Variants in LRP2BP observed in about 807,000 individuals in gnomAD.
LRP2BP encodes the protein LRP2 binding protein.
Under a neutral mutation model 45.2 loss-of-function variants are expected in LRP2BP, and 38 were observed. The ratio of observed to expected loss-of-function variants is 0.84; its 90% confidence interval spans 0.65 to 1.10. LRP2BP has a LOEUF of 1.10. Among genes scored for constraint, LRP2BP ranks in the 50% least tolerant of loss-of-function variants. The pLI is 0.00. For synonymous variants in LRP2BP, 153 were observed against 153.9 expected, an observed-to-expected ratio of 0.99 and a Z score of 0.04; for missense variants, 385 against 418.9, an observed-to-expected ratio of 0.92 and a Z score of 0.71.
At chr4:185,380,495 C>T (rs964486727) in intron 1 of LRP2BP, among the ~76,000 whole-genome samples, 1 of 152,172 alleles carries the variant, frequency 6.6e-6, no homozygotes, top group African/African-American at 2.4e-5. Context: ...AGTTGCACAA[C>T]TCAACCTCTG....
intron 8 of LRP2BP, among the ~76,000 whole-genome samples, chr4:185,368,592 TATC>T (rs1386386394): frequency 6.6e-6 from 1 of 152,196 alleles, no homozygotes; most frequent in Non-Finnish European, 1.5e-5. Context: ...CGTCATATGA[TATC>T]ATTCCAGACC....
At chr4:185,372,000 C>G (rs1169391893) in intron 7 of LRP2BP, among the ~76,000 whole-genome samples, 3 of 152,176 alleles carry the variant, frequency 2.0e-5, no homozygotes, top group Non-Finnish European at 4.4e-5. Context: ...TGCTTTTATA[C>G]ACTGTGGGTA....
At chr4:185,389,882 T>C (rs561170734) in intron 1 of LRP2BP, among the ~76,000 whole-genome samples, 146 of 152,262 alleles carry the variant, frequency 9.6e-4, no homozygotes, top group African/African-American at 3.2e-3. Context: ...AAATACCATG[T>C]GCACTTTATA....
chr4:185,388,205 G>A (rs996839088), intron 1 of LRP2BP, among the ~76,000 whole-genome samples: 2 of 152,158 alleles, frequency 1.3e-5, no homozygotes, highest in African/African-American at 2.4e-5. Context: ...CCACATGGTA[G>A]GAGATGAAGT....
chr4:185,396,960 G>A (rs2095505065), upstream of LRP2BP: 1 of 1,613,388 alleles, frequency 6.2e-7, no homozygotes, highest in Non-Finnish European at 8.5e-7. Context: ...GGTGAGATTC[G>A]GGCTCACAGA....
At chr4:185,397,193 A>G (rs183979417), upstream of LRP2BP, 598 of 1,613,910 alleles carry the variant, frequency 3.7e-4, 6 homozygotes, top group Admixed American at 8.4e-3. Context: ...GCCTCGGTCA[A>G]CGCACCCCCG....
rs948921260 is a variant in LRP2BP at position 185,364,137 on chromosome 4, A to G, written c.*3043T>C. 6.6e-6 allele frequency: 1 copy of G among 152,298 alleles called. No individual in the cohort carries two copies. Among genetic ancestry groups the G allele is most frequent in the African/African-American group, 2.4e-5 (1 of 41,448 alleles). 9.4% of individuals were successfully genotyped at this position (152,298 alleles called of 1,614,324 possible). ...TCCAGAAACAAAATAAATCTGTAAA[A>G]TATATGATTTTTAGTGAGCAGAAAG... On this transcript the variant is annotated 3_prime_UTR_variant, in exon 9 of 9. Coordinates refer to ENST00000505916, the MANE Select transcript of LRP2BP (RefSeq NM_001377440.1).
intron 1 of LRP2BP, among the ~76,000 whole-genome samples, chr4:185,385,354 T>TA (rs1249520577): frequency 6.6e-6 from 1 of 152,062 alleles, no homozygotes; most frequent in Non-Finnish European, 1.5e-5. Context: ...TAGAATTCCT[T>TA]AAAGTATGTG....
Position 185,374,134 on chromosome 4 carries a change from C to T in LRP2BP, c.579+1G>A. The T allele has an allele frequency of 6.2e-7, 1 of 1,612,058 alleles. No homozygotes were observed. Among genetic ancestry groups the T allele is most frequent in the Non-Finnish European group, 8.5e-7 (1 of 1,178,388 alleles). ...TAGCATTAAAAAAGAGGGAACGTTACCTTTTCTAACTCCTTGGGCTCCTTG... is the reference window on the plus strand; with the variant it reads ...TAGCATTAAAAAAGAGGGAACGTTATCTTTTCTAACTCCTTGGGCTCCTTG... On this transcript the variant is annotated splice_donor_variant, in intron 6 of 8. Coordinates refer to ENST00000505916, the MANE Select transcript of LRP2BP (RefSeq NM_001377440.1). LOFTEE classifies it high-confidence loss of function.
At chr4:185,385,197 G>A (rs2095467464) in intron 1 of LRP2BP, among the ~76,000 whole-genome samples, 1 of 152,134 alleles carries the variant, frequency 6.6e-6, no homozygotes, top group African/African-American at 2.4e-5. Context: ...GTTTGTGTGG[G>A]CCCACACGTC....
intron 8 of LRP2BP, among the ~76,000 whole-genome samples, chr4:185,368,535 T>C (rs1026264435): frequency 6.6e-6 from 1 of 152,184 alleles, no homozygotes; most frequent in African/African-American, 2.4e-5. Flanking sequence ...CGGGACACCT[T>C]GTGTCCTTTT....
At chr4:185,382,192 T>C (rs2095457729) in intron 1 of LRP2BP, among the ~76,000 whole-genome samples, 1 of 152,244 alleles carries the variant, frequency 6.6e-6, no homozygotes, top group East Asian at 1.9e-4. Flanking sequence ...CTTTGTTGCA[T>C]GTATCAATAT....
intron 3 of LRP2BP, 36 bp from the exon 4 acceptor site, chr4:185,375,762 TATG>T: frequency 7.0e-7 from 1 of 1,431,296 alleles, no homozygotes; most frequent in Non-Finnish European, 9.7e-7. Context: ...TTATTTTTAT[TATG>T]ATCTTAAAGT....
chr4:185,395,717 A>C lies in LRP2BP; in HGVS notation c.-960T>G, dbSNP rs796571225. 1.0e-6 allele frequency: 1 copy of C among 985,472 alleles called. No homozygotes were observed. The allele number at this position is 985,472 out of a possible 1,614,324, so 61.0% of individuals were successfully genotyped here. ...GCAAATTTTATGGCTCTTACTACAA[A>C]ACAAAAAGTAGAATGAAAAGACCAC... On this transcript the variant is annotated 5_prime_UTR_variant, in exon 1 of 9. Transcript: ENST00000505916.
intron 8 of LRP2BP, among the ~76,000 whole-genome samples, chr4:185,368,386 C>G (rs1193850324): frequency 6.6e-6 from 1 of 152,146 alleles, no homozygotes; most frequent in Non-Finnish European, 1.5e-5. Flanking sequence ...TACTGCCTCA[C>G]CTTCTGCCAT....
chr4:185,383,664 C>T (rs1182073230), intron 1 of LRP2BP, among the ~76,000 whole-genome samples: 1 of 152,212 alleles, frequency 6.6e-6, no homozygotes. Flanking sequence ...ACTGGTAAGA[C>T]TGGTTTTGCT....
chr4:185,386,721 C>T (rs1156840699), intron 1 of LRP2BP, among the ~76,000 whole-genome samples: 1 of 152,188 alleles, frequency 6.6e-6, no homozygotes, highest in East Asian at 1.9e-4. Context: ...CTACACCCTC[C>T]AGCAGTGCCT....
At chr4:185,368,143 A>T (rs1276872586) in intron 8 of LRP2BP, among the ~76,000 whole-genome samples, 1 of 152,122 alleles carries the variant, frequency 6.6e-6, no homozygotes, top group African/African-American at 2.4e-5. Context: ...GCGCCACTGC[A>T]CTCCAGCCTG....
At chr4:185,397,055 A>G (rs2095505406), upstream of LRP2BP, 6 of 1,609,848 alleles carry the variant, frequency 3.7e-6, no homozygotes, top group South Asian at 4.4e-5. Flanking sequence ...CTGCCTGGTC[A>G]GAGCTGGTTG....
Sources: gnomAD v4.1 joint callset for allele counts (sites outside exome capture counted in the v4.1 genomes callset) on GRCh38, gnomAD v4.1.1 for gene constraint, MANE v1.5 for transcripts, NCBI Gene and HGNC (gene_info 2026-07-23, HGNC 2026-07-21) for gene names.